The following KIR2DL1 variants were observed in gnomAD, a reference collection of about 807,000 sequenced individuals.
KIR2DL1 encodes killer cell immunoglobulin-like receptor 2DL1.
A neutral mutation model predicts 33.9 loss-of-function variants in KIR2DL1; 38 were observed. The observed-to-expected ratio is 1.12, with a 90% CI of 0.86 to 1.47. The LOEUF (loss-of-function observed/expected upper bound fraction) is 1.47. KIR2DL1 is among the 40% of genes most tolerant of loss of function. The pLI is 0.00. For missense variants in KIR2DL1, 531 were observed against 433.9 expected (o/e 1.22, Z -1.99); for synonymous variants, 179 against 165.9 (o/e 1.08, Z -0.61).
In KIR2DL1 at chr19:54,771,734, G is replaced by A. The variant is rs879008198; in HGVS notation, c.70+850G>A. ...CTTCAGTCTGTAAAAGGAAGATGGG[G>A]TGCCTGTCCCTGAGCTCTACAACAT... On this transcript the variant is annotated intron_variant, in intron 2 of 7. Transcript: ENST00000336077. 3.6e-4 allele frequency among the ~76,000 whole-genome samples: 54 copies of A among 148,314 alleles called. 1 individual carries two copies. In the South Asian group the frequency reaches 0.011, roughly 30 times the overall value.
chr19:54,779,836 C>G (rs2076758762), intron 5 of KIR2DL1, among the ~76,000 whole-genome samples: 1 of 139,202 alleles, frequency 7.2e-6, no homozygotes, highest in Admixed American at 7.4e-5. Context: ...AAAATGAACG[C>G]ACAAGTGGAT....
rs1481853508 is a variant in KIR2DL1, at chr19:54,773,452, G to A, written c.190G>A (p.Gly64Arg). 3.5e-5 allele frequency: 56 copies of A among 1,588,454 alleles called. 1 individual carries two copies. The highest frequency in any genetic ancestry group is 2.2e-4 in the East Asian group (10 of 44,670). Residue 64 changes from glycine (G) to arginine (R), a missense_variant, in exon 3 of 8, where the codon GGG becomes AGG. Physicochemically the swap from Gly to Arg is moderately radical, Grantham distance 125. Transcript: ENST00000336077. The part of the protein sequence containing the change: ...MFEHFLLHRE[G>R]MFNDTLRLIG... ...TGAACACTTCCTTCTGCACAGAGAG[G>A]GGATGTTTAACGACACTTTGCGCCT...
At chr19:54,773,219 C>A in intron 2 of KIR2DL1, 114 bp from the exon 3 acceptor site, 1 of 1,226,836 alleles carries the variant, frequency 8.2e-7, no homozygotes. Context: ...CATGAAGACA[C>A]AGAGAGGAAG....
Position 54,772,195 on chromosome 19 carries a change from G to T in KIR2DL1, c.71-1138G>T. ...GGAGACAGCCTGGACTGTCCTGATG[G>T]GCTCAGTGTAGTCACAGGGGTCCAC... On this transcript the variant is annotated intron_variant, in intron 2 of 7. Transcript: ENST00000336077. 1.4e-5 allele frequency among the ~76,000 whole-genome samples: 2 copies of T among 147,644 alleles called. 1 individual carries two copies.
intron 5 of KIR2DL1, among the ~76,000 whole-genome samples, chr19:54,780,772 C>G (rs1192928126): frequency 2.2e-5 from 3 of 133,678 alleles, no homozygotes; most frequent in Non-Finnish European, 5.0e-5. Flanking sequence ...GTTTAATCCT[C>G]GCTTAATTAA....
chr19:54,775,095 T>C, intron 3 of KIR2DL1, 70 bp from the exon 4 acceptor site: 1 of 1,489,988 alleles, frequency 6.7e-7, no homozygotes, highest in Non-Finnish European at 9.1e-7. Context: ...GGGAGTGAGT[T>C]CTCAGCTCAG....
chr19:54,782,082 GGCTCAGAAAA>G (rs923797620), intron 5 of KIR2DL1, among the ~76,000 whole-genome samples: 9 of 151,968 alleles, frequency 5.9e-5, no homozygotes, highest in African/African-American at 1.9e-4. Context: ...AGTCCCTCAA[GGCTCAGAAAA>G]GCTCCTCGGG....
Position 54,771,257 on chromosome 19 carries a change from C to T in KIR2DL1, c.70+373C>T, listed in dbSNP as rs1490958273. 2.8e-5 allele frequency among the ~76,000 whole-genome samples: 4 copies of T among 144,062 alleles called. 1 individual carries two copies. Among genetic ancestry groups the T allele is most frequent in the Non-Finnish European group, 6.2e-5 (4 of 64,924 alleles). The allele number at this position is 144,062 out of a possible 152,430, so 94.5% of individuals were successfully genotyped here. A position where few individuals can be genotyped will look rare whatever the true frequency, so the allele number is the denominator to read the frequency against. ...AACCACAGCCATGGCCCTGACATTC[C>T]AATCCTCTGATGGGGACTCAGTTGT... On this transcript the variant is annotated intron_variant, in intron 2 of 7. Transcript: ENST00000336077.
At chr19:54,779,606 T>A (rs1204424774) in intron 5 of KIR2DL1, among the ~76,000 whole-genome samples, 1 of 146,732 alleles carries the variant, frequency 6.8e-6, no homozygotes, top group African/African-American at 2.5e-5. Context: ...TCATCCAGGA[T>A]ACCCTTGTTT....
chr19:54,778,925 T>C (rs1245173078), intron 5 of KIR2DL1, among the ~76,000 whole-genome samples: 1 of 147,512 alleles, frequency 6.8e-6, no homozygotes, highest in African/African-American at 2.5e-5. Context: ...TCAGGAAAAA[T>C]GCAATGTTTG....
chr19:54,775,388 C>T lies in KIR2DL1; in HGVS notation c.594C>T (p.Cys198=). The T allele has an allele frequency of 1.9e-6, 3 of 1,584,278 alleles. No homozygotes were observed. The highest frequency in any genetic ancestry group is 4.5e-5 in the East Asian group (2 of 44,760). The stretch of plus-strand genomic sequence containing the variant: ...CCACCCACGGAGGGACCTACAGATG[C>T]TTCGGCTCTTTCCATGACTCTCCAT... ...GPATHGGTYR[C]FGSFHDSPYE... is the part of the protein sequence containing the mutation. The change falls in exon 4 of 8, where the codon TGC becomes TGT. Residue 198 remains cysteine, a synonymous_variant. Transcript: ENST00000336077.
At chr19:54,774,467 G>A (rs1258127470) in intron 3 of KIR2DL1, among the ~76,000 whole-genome samples, 1 of 148,320 alleles carries the variant, frequency 6.7e-6, no homozygotes, top group Admixed American at 6.9e-5. Context: ...AGATTCCAAA[G>A]AGAACTAGAG....
intron 5 of KIR2DL1, among the ~76,000 whole-genome samples, chr19:54,781,335 C>G (rs1486720803): frequency 2.0e-5 from 3 of 149,862 alleles, no homozygotes. Flanking sequence ...CCCTATTTGG[C>G]TTTCTGTGAG....
chr19:54,772,423 G>T (rs372257074), intron 2 of KIR2DL1, among the ~76,000 whole-genome samples: 1 of 142,376 alleles, frequency 7.0e-6, no homozygotes, highest in Non-Finnish European at 1.6e-5. Flanking sequence ...AACAGGGTCC[G>T]ATTTCTGTCT....
chr19:54,777,402 T>A (rs2076478102), intron 4 of KIR2DL1, among the ~76,000 whole-genome samples: 1 of 148,668 alleles, frequency 6.7e-6, no homozygotes, highest in Admixed American at 6.8e-5. Context: ...AAAAGCCATT[T>A]TAATGGGGTG....
chr19:54,776,781 C>A (rs1304055252), intron 4 of KIR2DL1, among the ~76,000 whole-genome samples: 23 of 146,668 alleles, frequency 1.6e-4, no homozygotes, highest in African/African-American at 4.8e-4. Context: ...GCTGGGATTA[C>A]AGGTGCACAC....
At chr19:54,776,205 A>G (rs1182915536) in intron 4 of KIR2DL1, among the ~76,000 whole-genome samples, 4 of 145,914 alleles carry the variant, frequency 2.7e-5, no homozygotes, top group African/African-American at 1.0e-4. Flanking sequence ...TACCATTTTT[A>G]AGTGTAAAGT....
intron 1 of KIR2DL1, 21 bp downstream of exon 1, chr19:54,769,905 G>A: frequency 4.5e-6 from 7 of 1,561,432 alleles, no homozygotes; most frequent in Non-Finnish European, 4.4e-6. Flanking sequence ...GAAAGCAATA[G>A]AGGGAGGGAG....
Position 54,783,685 on chromosome 19 carries a change from C to G in KIR2DL1, c.919C>G (p.His307Asp). 6.2e-7 allele frequency: 1 copy of G among 1,614,044 alleles called. No individual in the cohort carries two copies. The highest frequency in any genetic ancestry group is 8.5e-7 in the Non-Finnish European group (1 of 1,179,968). ...PQEVTYTQLN[H>D]CVFTQRKITR... ...GGAGGTGACATACACACAGTTGAAT[C>G]ACTGCGTTTTCACACAGAGAAAAAT... The change falls in exon 8 of 8, where the codon CAC (histidine) becomes GAC (aspartate). Residue 307 changes from histidine to aspartate, a missense_variant. His to Asp is a moderately conservative substitution (Grantham distance 81, BLOSUM62 -1). Transcript: ENST00000336077.
Sources: allele counts gnomAD v4.1 joint callset (sites outside exome capture counted in the v4.1 genomes callset), GRCh38; gene constraint gnomAD v4.1.1; transcripts MANE v1.5; gene names NCBI Gene and HGNC (gene_info 2026-07-23, HGNC 2026-07-21).